The following FOXO3 variants were observed in gnomAD, a reference collection of about 807,000 sequenced individuals.
FOXO3 encodes the protein forkhead box protein O3.
FOXO3 carries 4 observed loss-of-function variants against 41.9 expected under a neutral mutation model. The observed-to-expected ratio is 0.10, with a 90% CI of 0.05 to 0.22. The LOEUF is 0.22. FOXO3 is among the 10% of genes least tolerant of loss of function. FOXO3 has a pLI of 1.00. For synonymous variants in FOXO3, 318 were observed against 389.3 expected (o/e 0.82, Z 2.16); for missense variants, 534 against 906.8 (o/e 0.59, Z 5.28).
chr6:108,605,843 A>T (rs1311315285), intron 1 of FOXO3, among the ~76,000 whole-genome samples: 1 of 152,246 alleles, frequency 6.6e-6, no homozygotes, highest in African/African-American at 2.4e-5. Flanking sequence ...AGGACAGCAA[A>T]TTAGATGAAA....
intron 1 of FOXO3, among the ~76,000 whole-genome samples, chr6:108,592,416 G>A (rs929272371): frequency 6.6e-6 from 1 of 152,152 alleles, no homozygotes; most frequent in African/African-American, 2.4e-5. Flanking sequence ...TGCCCTTTGT[G>A]TTCACATTTC....
At chr6:108,602,710 G>A (rs1777087567) in intron 1 of FOXO3, among the ~76,000 whole-genome samples, 1 of 151,860 alleles carries the variant, frequency 6.6e-6, no homozygotes, top group Non-Finnish European at 1.5e-5. Context: ...TAATAGATGT[G>A]GATAACTTTT....
chr6:108,601,810 A>G (rs1489049707), intron 1 of FOXO3, among the ~76,000 whole-genome samples: 1 of 152,220 alleles, frequency 6.6e-6, no homozygotes, highest in East Asian at 1.9e-4. Flanking sequence ...GTTGTTACAC[A>G]TCTCAGTAGT....
Position 108,664,038 on chromosome 6 carries a change from C to T in FOXO3, c.1205C>T (p.Ser402Leu), listed in dbSNP as rs891060337. Reference protein sequence around the residue: ...DNITLPPSQPSPTGGLMQRSS... With the variant: ...DNITLPPSQPLPTGGLMQRSS... ...ATCACGCTCCCGCCATCCCAGCCAT[C>T]GCCCACTGGGGGACTCATGCAGCGG... Residue 402 changes from serine (S) to leucine (L), a missense_variant, in exon 2 of 3, where the codon TCG (serine) becomes TTG (leucine). Physicochemically the swap from Ser to Leu is moderately radical, Grantham distance 145 (BLOSUM62 -2). Around this residue, in one of 8 missense-constraint regions of FOXO3, gnomAD observed 185 missense variants for 224.9 expected, o/e 0.82. Coordinates refer to ENST00000406360, the MANE Select transcript of FOXO3 (RefSeq NM_001455.4). 14 of 1,614,070 alleles carry T rather than the reference C, an allele frequency of 8.7e-6. No homozygotes were observed. The highest frequency in any genetic ancestry group is 1.3e-5 in the African/African-American group (1 of 74,932).
intron 2 of FOXO3, among the ~76,000 whole-genome samples, chr6:108,670,256 A>G (rs1381871173): frequency 6.6e-6 from 1 of 152,130 alleles, no homozygotes; most frequent in Non-Finnish European, 1.5e-5. Flanking sequence ...TCCACCTTGC[A>G]GGAGACACCA....
rs11757217 is a variant in FOXO3 at position 108,561,367 on chromosome 6, C to T, written c.159C>T (p.Ala53=). The change falls in exon 1 of 3, where the codon GCC becomes GCT. Residue 53 remains alanine, a synonymous_variant. Transcript: ENST00000406360. ...SPAKPSGETA[A]DSMIPEEEDD... ...CCAAGCCCTCGGGGGAGACGGCCGC[C>T]GACTCCATGATCCCCGAGGAGGAGG... 0.16 allele frequency: 253,178 copies of T among 1,558,544 alleles called. 20,909 individuals are homozygous for T. The highest frequency in any genetic ancestry group is 0.26 in the Admixed American group (13,656 of 52,254).
chr6:108,658,892 G>A (rs1778766313), intron 1 of FOXO3, among the ~76,000 whole-genome samples: 1 of 150,760 alleles, frequency 6.6e-6, no homozygotes, highest in Admixed American at 6.6e-5. Flanking sequence ...TTTTTTGTTT[G>A]TTTGTTTTTT....
chr6:108,561,164 G>C lies in FOXO3; in HGVS notation c.-45G>C. On this transcript the variant is annotated 5_prime_UTR_variant, in exon 1 of 3. Coordinates refer to ENST00000406360, the MANE Select transcript of FOXO3 (RefSeq NM_001455.4). ...CCCGCTGCACCCCGCCCCGGCGCGA[G>C]AGGAGAGCGCGAGAGCCCCAGCCGC... 6.6e-7 allele frequency: 1 copy of C among 1,510,682 alleles called. No homozygotes were observed. The highest frequency in any genetic ancestry group is 8.8e-7 in the Non-Finnish European group (1 of 1,133,450). 93.6% of individuals were successfully genotyped at this position (1,510,682 alleles called of 1,614,324 possible).
At chr6:108,626,182 G>A (rs892800296) in intron 1 of FOXO3, among the ~76,000 whole-genome samples, 13 of 152,208 alleles carry the variant, frequency 8.5e-5, no homozygotes, top group Admixed American at 2.6e-4. Context: ...ACTGGGAAAT[G>A]TGTTAGTTGA....
intron 1 of FOXO3, among the ~76,000 whole-genome samples, chr6:108,636,869 C>T (rs1426845239): frequency 6.6e-6 from 1 of 152,090 alleles, no homozygotes; most frequent in African/African-American, 2.4e-5. Context: ...GTTACAGGAC[C>T]CTGGCACCTG....
chr6:108,560,220 G>A (rs1322499051), upstream of FOXO3, among the ~76,000 whole-genome samples: 2 of 152,224 alleles, frequency 1.3e-5, no homozygotes, highest in Non-Finnish European at 2.9e-5. Flanking sequence ...GAACGTGCTG[G>A]TCCGGGTTTT....
chr6:108,590,654 C>T (rs1164824499), intron 1 of FOXO3, among the ~76,000 whole-genome samples: 1 of 151,996 alleles, frequency 6.6e-6, no homozygotes, highest in African/African-American at 2.4e-5. Flanking sequence ...GATACTCAAC[C>T]TGTACTCAAA....
intron 1 of FOXO3, among the ~76,000 whole-genome samples, chr6:108,653,552 G>A (rs567640605): frequency 2.0e-5 from 3 of 152,232 alleles, no homozygotes; most frequent in South Asian, 2.1e-4. Context: ...CAGGGTCTGC[G>A]ACTGTGAAGT....
intron 1 of FOXO3, among the ~76,000 whole-genome samples, chr6:108,589,991 A>G (rs1214083010): frequency 6.6e-6 from 1 of 152,210 alleles, no homozygotes; most frequent in Non-Finnish European, 1.5e-5. Context: ...TATGGGTATT[A>G]AGAGAGTTAT....
In FOXO3 at chr6:108,664,898, C is replaced by T. The variant is rs776619583; in HGVS notation, c.*34+9C>T. ...GGAAGTGGGCAAAGCAGGTCAGTGC[C>T]GAATGCTATGGCATAAAAATAACAA... On this transcript the variant is annotated intron_variant, in intron 2 of 2. Transcript: ENST00000406360. The T allele has an allele frequency of 4.4e-6, 7 of 1,589,978 alleles. No individual in the cohort carries two copies. The highest frequency in any genetic ancestry group is 2.3e-5 in the South Asian group (2 of 86,862).
At chr6:108,581,096 G>A (rs1305458962) in intron 1 of FOXO3, among the ~76,000 whole-genome samples, 4 of 152,330 alleles carry the variant, frequency 2.6e-5, no homozygotes, top group South Asian at 4.1e-4. Flanking sequence ...CAGACTAATT[G>A]TATATCATCT....
chr6:108,569,988 T>TTC (rs1776051768), intron 1 of FOXO3, among the ~76,000 whole-genome samples: 2 of 3,792 alleles, frequency 5.3e-4, no homozygotes, highest in Middle Eastern at 0.038. Flanking sequence ...CCTTGCGTGG[T>TTC]TTTTTTTTTT....
At chr6:108,649,057 C>A (rs1470999843) in intron 1 of FOXO3, among the ~76,000 whole-genome samples, 1 of 151,112 alleles carries the variant, frequency 6.6e-6, no homozygotes, top group East Asian at 1.9e-4. Context: ...CTCAGATTTG[C>A]CCCTACCAGA....
intron 1 of FOXO3, among the ~76,000 whole-genome samples, chr6:108,570,621 A>G (rs534333084): frequency 7.5e-4 from 114 of 152,268 alleles, no homozygotes; most frequent in African/African-American, 2.7e-3. Context: ...AGCCCCTGCA[A>G]CCAGCCTTCC....
Sources: gnomAD v4.1 joint callset for allele counts (sites outside exome capture counted in the v4.1 genomes callset) on GRCh38, gnomAD v4.1.1 for gene constraint, gnomAD v4.1.1 regional missense constraint, MANE v1.5 for transcripts, NCBI Gene and HGNC (gene_info 2026-07-23, HGNC 2026-07-21) for gene names.